Variants in RUNX3 observed in about 807,000 individuals in gnomAD.
RUNX3 encodes the protein runt-related transcription factor 3.
A neutral mutation model predicts 27.7 loss-of-function variants in RUNX3; 10 were observed. The observed-to-expected ratio is 0.36, with a 90% CI of 0.22 to 0.61. The LOEUF (loss-of-function observed/expected upper bound fraction) is 0.61, where lower values mean the gene tolerates loss of function less well. RUNX3 is among the 20% of genes least tolerant of loss of function. The probability of loss-of-function intolerance (pLI) is 0.72; values close to 1 mark genes in which losing one functional copy is unlikely to be tolerated. For missense variants in RUNX3, 469 were observed against 629.5 expected, an observed-to-expected ratio of 0.75 and a Z score of 2.73; for synonymous variants, 270 against 269.2, an observed-to-expected ratio of 1.00 and a Z score of -0.03.
chr1:24,929,934 G>T lies in RUNX3; in HGVS notation c.-66C>A, dbSNP rs1230394191. 3.3e-6 allele frequency: 4 copies of T among 1,221,846 alleles called. No individual in the cohort carries two copies. The African/African-American group carries it at 6.3e-5, about 19-fold the overall frequency. The allele number at this position is 1,221,846 out of a possible 1,614,324, so 75.7% of individuals were successfully genotyped here. A position where few individuals can be genotyped will look rare whatever the true frequency, so the allele number is the denominator to read the frequency against. ...GGCTTCCCCCGGGGGCGGCCGGCGCGGGCGCCTCCTCGGCCGCCGCTGCCG... is the reference window on the plus strand; with the variant it reads ...GGCTTCCCCCGGGGGCGGCCGGCGCTGGCGCCTCCTCGGCCGCCGCTGCCG... On this transcript the variant is annotated 5_prime_UTR_variant, in exon 1 of 5. Transcript: ENST00000308873.
Position 24,930,107 on chromosome 1 carries a change from G to A in RUNX3, c.-239C>T, listed in dbSNP as rs1162930770. 1 of 979,486 alleles carries A rather than the reference G, an allele frequency of 1.0e-6. No individual in the cohort carries two copies. Among genetic ancestry groups the A allele is most frequent in the Non-Finnish European group, 1.2e-6 (1 of 827,686 alleles). 60.7% of individuals were successfully genotyped at this position (979,486 alleles called of 1,614,324 possible). On this transcript the variant is annotated 5_prime_UTR_variant, in exon 1 of 5. Coordinates refer to ENST00000308873, the MANE Select transcript of RUNX3 (RefSeq NM_004350.3). The surrounding 1 kb of genome is among the most constrained non-coding windows in gnomAD (Gnocchi z 4.1). ...CTGCCCGGCTAGTCCCGCATCCTCG[G>A]CGCGCGGCCCCGCGTGCGGCCGCCC...
At chr1:24,948,475 G>A (rs1007489133) in intron 2 of RUNX3, among the ~76,000 whole-genome samples, 3 of 152,266 alleles carry the variant, frequency 2.0e-5, no homozygotes, top group South Asian at 4.1e-4. Flanking sequence ...CAGCACACCC[G>A]CAGGTCTTAC....
chr1:24,958,118 C>T (rs924674295), intron 2 of RUNX3, among the ~76,000 whole-genome samples: 2 of 152,170 alleles, frequency 1.3e-5, no homozygotes, highest in Admixed American at 6.5e-5. Flanking sequence ...ATCAGGAGGC[C>T]GGCCTGTGCC....
Position 24,929,968 on chromosome 1 carries a change from G to T in RUNX3, c.-100C>A. On this transcript the variant is annotated 5_prime_UTR_variant, in exon 1 of 5. Transcript: ENST00000308873. ...CTCGGCCGCCGCTGCCGCGAGAAGCGGGAAAGCAGAAGCGGCGGGGCCCGG... is the reference window on the plus strand; with the variant it reads ...CTCGGCCGCCGCTGCCGCGAGAAGCTGGAAAGCAGAAGCGGCGGGGCCCGG... The T allele has an allele frequency of 1.7e-6, 2 of 1,196,476 alleles. No individual in the cohort carries two copies. The highest frequency in any genetic ancestry group is 2.1e-6 in the Non-Finnish European group (2 of 966,802). 74.1% of individuals were successfully genotyped at this position (1,196,476 alleles called of 1,614,324 possible). A position where few individuals can be genotyped will look rare whatever the true frequency, so the allele number is the denominator to read the frequency against.
rs1292536598 is a variant in RUNX3, at chr1:24,899,956, G to C, written c.*2166C>G. 1 of 152,474 alleles carries C rather than the reference G, an allele frequency of 6.6e-6. No homozygotes were observed. The highest frequency in any genetic ancestry group is 2.4e-5 in the African/African-American group (1 of 41,426). The allele number at this position is 152,474 out of a possible 1,614,324, so 9.4% of individuals were successfully genotyped here. Reference sequence around the variant, plus strand: ...CTGCCGTCACTTTTTGTCAGGGGATGGGGGATGGGGTAGGAAGAGCAATTT... The same window carrying C: ...CTGCCGTCACTTTTTGTCAGGGGATCGGGGATGGGGTAGGAAGAGCAATTT... On this transcript the variant is annotated 3_prime_UTR_variant, in exon 5 of 5. Transcript: ENST00000308873.
intron 2 of RUNX3, among the ~76,000 whole-genome samples, chr1:24,949,424 C>T (rs1294216077): frequency 3.9e-5 from 6 of 152,166 alleles, no homozygotes; most frequent in East Asian, 1.9e-4. Context: ...ATTTACTGAG[C>T]ACCTCCTGTG....
rs1232242515 is a variant in RUNX3 at position 24,962,069 on chromosome 1, A to G, written c.58+2445T>C. 6.6e-6 allele frequency: 1 copy of G among 152,058 alleles called. No individual in the cohort carries two copies. The highest frequency in any genetic ancestry group is 1.5e-5 in the Non-Finnish European group (1 of 68,018). The allele number at this position is 152,058 out of a possible 1,614,324, so 9.4% of individuals were successfully genotyped here. A position where few individuals can be genotyped will look rare whatever the true frequency, so the allele number is the denominator to read the frequency against. Reference sequence around the variant, plus strand: ...TAGCTGAAATTTAGCATCATATTCCATGGCGATTTTCCACCAGTGGAAATC... The same window carrying G: ...TAGCTGAAATTTAGCATCATATTCCGTGGCGATTTTCCACCAGTGGAAATC... On this transcript the variant is annotated intron_variant, in intron 2 of 6. Transcript: ENST00000338888. The surrounding 1 kb of genome is among the most constrained non-coding windows in gnomAD (Gnocchi z 4.5).
At chr1:24,942,824 A>G (rs1571342040) in intron 2 of RUNX3, among the ~76,000 whole-genome samples, 2 of 152,176 alleles carry the variant, frequency 1.3e-5, no homozygotes, top group South Asian at 4.1e-4. Context: ...TAATGCCAGG[A>G]CCTGACCCGG....
chr1:24,963,446 A>T (rs1642172707), intron 2 of RUNX3, among the ~76,000 whole-genome samples: 1 of 152,108 alleles, frequency 6.6e-6, no homozygotes, highest in Non-Finnish European at 1.5e-5. Context: ...GAAGTTCTAG[A>T]TCTCATGCAG....
intron 2 of RUNX3, among the ~76,000 whole-genome samples, chr1:24,957,512 C>G (rs957016786): frequency 6.6e-6 from 1 of 152,204 alleles, no homozygotes; most frequent in Non-Finnish European, 1.5e-5. Flanking sequence ...GGCAGAGCAC[C>G]CCCACCGCCT....
intron 2 of RUNX3, among the ~76,000 whole-genome samples, chr1:24,951,993 C>CTCATATAT (rs1473700046): frequency 1.3e-5 from 2 of 152,052 alleles, no homozygotes; most frequent in African/African-American, 2.4e-5. Context: ...ACAAAATGAG[C>CTCATATAT]AAAGGTATGG....
chr1:24,909,724 G>A (rs915908128), intron 3 of RUNX3, among the ~76,000 whole-genome samples: 7 of 152,132 alleles, frequency 4.6e-5, no homozygotes, highest in Non-Finnish European at 8.8e-5. Context: ...GTCCCTGTTC[G>A]CACCCCCTAG....
chr1:24,945,102 G>A (rs577136495), intron 2 of RUNX3, among the ~76,000 whole-genome samples: 13 of 152,098 alleles, frequency 8.5e-5, no homozygotes, highest in African/African-American at 3.1e-4. Flanking sequence ...TTGCTTGCTT[G>A]GTGTTACATT....
At chr1:24,905,620 G>T (rs1640649409) in intron 4 of RUNX3, among the ~76,000 whole-genome samples, 1 of 152,250 alleles carries the variant, frequency 6.6e-6, no homozygotes, top group Non-Finnish European at 1.5e-5. Context: ...GCCAGGCATT[G>T]ATTCCCAAGC....
At chr1:24,939,256 C>T (rs996231817) in intron 2 of RUNX3, among the ~76,000 whole-genome samples, 8 of 152,208 alleles carry the variant, frequency 5.3e-5, no homozygotes, top group African/African-American at 1.7e-4. Flanking sequence ...ACAGCACCCA[C>T]GCTCATGGGC....
rs1362743236 is a variant in RUNX3 at position 24,904,168 on chromosome 1, C to T, written c.704-1502G>A. Among the ~76,000 whole-genome samples, 1 of 152,192 alleles carries T rather than the reference C, an allele frequency of 6.6e-6. No individual in the cohort carries two copies. The highest frequency in any genetic ancestry group is 1.5e-5 in the Non-Finnish European group (1 of 68,026). On this transcript the variant is annotated intron_variant, in intron 4 of 4. Coordinates refer to ENST00000308873, the MANE Select transcript of RUNX3 (RefSeq NM_004350.3). This position sits in a 1 kb window ranked among gnomAD's most constrained non-coding sequence, Gnocchi z 5.7. The stretch of plus-strand genomic sequence containing the variant: ...AGCCCAGCAACCCCTCTGTGTCACC[C>T]ACCAAAGGATAAGGGCCGGTGCTAG...
chr1:24,946,962 G>C (rs986053069), intron 2 of RUNX3, among the ~76,000 whole-genome samples: 4 of 152,204 alleles, frequency 2.6e-5, no homozygotes, highest in Non-Finnish European at 5.9e-5. Context: ...CAGATGCTTA[G>C]TTCCAACCAA....
At chr1:24,925,432 A>T (rs760805) in intron 2 of RUNX3, among the ~76,000 whole-genome samples, 64,693 of 151,712 alleles carry the variant, frequency 0.43, 16,743 homozygotes, top group South Asian at 0.57. Context: ...TCTAACATGT[A>T]TCCAGCTCTC....
chr1:24,954,520 T>A (rs1430054694), intron 2 of RUNX3, among the ~76,000 whole-genome samples: 1 of 152,146 alleles, frequency 6.6e-6, no homozygotes, highest in Non-Finnish European at 1.5e-5. Context: ...TCATGCTTGG[T>A]TTCGTGTTCT....
Sources: allele counts gnomAD v4.1 joint callset (sites outside exome capture counted in the v4.1 genomes callset), GRCh38; gene constraint gnomAD v4.1.1; non-coding constraint Gnocchi (gnomAD v3.1); transcripts MANE v1.5; gene names NCBI Gene and HGNC (gene_info 2026-07-23, HGNC 2026-07-21).